Variants in MAP4 observed in about 807,000 individuals in gnomAD.
The protein encoded by MAP4 is microtubule associated protein 4.
A neutral mutation model predicts 170.2 loss-of-function variants in MAP4; 76 were observed. The ratio of observed to expected loss-of-function variants is 0.45; its 90% CI spans 0.37 to 0.54. The LOEUF (loss-of-function observed/expected upper bound fraction) is 0.54. MAP4 is among the 20% of genes least tolerant of loss of function. MAP4 has a pLI of 0.00. For synonymous variants in MAP4, 909 were observed against 994.5 expected (o/e 0.91, Z 1.62); for missense variants, 2,506 against 2,748.0 (o/e 0.91, Z 1.97).
At chr3:47,903,725 T>C (rs2100031419) in intron 9 of MAP4, among the ~76,000 whole-genome samples, 1 of 152,110 alleles carries the variant, frequency 6.6e-6, no homozygotes, top group East Asian at 1.9e-4. Context: ...ACTTTGGCAA[T>C]ATATTCACTT....
intron 3 of MAP4, among the ~76,000 whole-genome samples, chr3:47,944,283 C>T (rs1396517191): frequency 6.6e-6 from 1 of 152,066 alleles, no homozygotes; most frequent in Non-Finnish European, 1.5e-5. Context: ...GCACTCCAGC[C>T]TGGGCGAGAG....
At chr3:47,895,455 G>C (rs2100026318) in intron 10 of MAP4, among the ~76,000 whole-genome samples, 1 of 152,218 alleles carries the variant, frequency 6.6e-6, no homozygotes, top group African/African-American at 2.4e-5. Flanking sequence ...ACTCCACTAG[G>C]CAGTATCTTC....
intron 10 of MAP4, among the ~76,000 whole-genome samples, chr3:47,889,293 T>C (rs1358638962): frequency 2.0e-5 from 3 of 152,244 alleles, no homozygotes; most frequent in South Asian, 2.1e-4. Flanking sequence ...GCTTCATATC[T>C]TTGTTTAATA....
intron 12 of MAP4, among the ~76,000 whole-genome samples, chr3:47,873,045 G>T (rs1358691442): frequency 6.6e-6 from 1 of 152,146 alleles, no homozygotes; most frequent in Admixed American, 6.5e-5. Flanking sequence ...TCCTCATCGG[G>T]ATAAAGAGAT....
At position 48,084,118 on chromosome 3, in the gene MAP4, G is replaced by A. The variant is rs560011675; in HGVS notation, c.-20+4655C>T. On this transcript the variant is annotated intron_variant, in intron 1 of 18. Transcript: ENST00000360240. ...CCAGCTACTCAGGAGGCTGAGGCAG[G>A]AGAATTGCTTGAACCCGGGAGGTGG... 2.6e-5 allele frequency among the ~76,000 whole-genome samples: 4 copies of A among 151,504 alleles called. No homozygotes were observed. In the East Asian group the frequency reaches 7.9e-4, roughly 30 times the overall value.
At chr3:48,022,339 G>T (rs1376645668) in intron 1 of MAP4, among the ~76,000 whole-genome samples, 1 of 152,088 alleles carries the variant, frequency 6.6e-6, no homozygotes, top group Non-Finnish European at 1.5e-5. Context: ...TGATGAGGTG[G>T]GAGGATCATT....
At chr3:48,061,430 G>C (rs1454835226) in intron 1 of MAP4, among the ~76,000 whole-genome samples, 1 of 152,168 alleles carries the variant, frequency 6.6e-6, no homozygotes. Context: ...CTAACTGCGA[G>C]TGATCTGCCA....
intron 1 of MAP4, among the ~76,000 whole-genome samples, chr3:48,024,032 C>A (rs904570485): frequency 6.6e-6 from 1 of 152,180 alleles, no homozygotes; most frequent in Admixed American, 6.5e-5. Context: ...AAAAAATGGG[C>A]CAGGTGCAGT....
intron 15 of MAP4, 37 bp downstream of exon 15, chr3:47,870,776 G>A (rs1576840049): frequency 3.3e-6 from 5 of 1,512,234 alleles, no homozygotes; most frequent in Non-Finnish European, 4.4e-6. Flanking sequence ...AAGATGCAGG[G>A]GCCAGCATGC....
At chr3:48,087,757 A>G (rs973800954) in intron 1 of MAP4, among the ~76,000 whole-genome samples, 10 of 151,440 alleles carry the variant, frequency 6.6e-5, no homozygotes, top group South Asian at 4.2e-4. Flanking sequence ...ACACACACAC[A>G]CACACACACA....
intron 1 of MAP4, among the ~76,000 whole-genome samples, chr3:48,000,517 G>C (rs1178572167): frequency 6.6e-6 from 1 of 152,068 alleles, no homozygotes; most frequent in Admixed American, 6.6e-5. Flanking sequence ...TACCCCTATA[G>C]GGTTTGGGAC....
intron 1 of MAP4, among the ~76,000 whole-genome samples, chr3:48,054,439 A>C (rs2100129552): frequency 6.6e-6 from 1 of 151,802 alleles, no homozygotes; most frequent in African/African-American, 2.4e-5. Flanking sequence ...TGGCCAACAT[A>C]GTGAAACCCC....
chr3:47,955,123 A>C (rs1481199704), intron 3 of MAP4, among the ~76,000 whole-genome samples: 1 of 152,202 alleles, frequency 6.6e-6, no homozygotes, highest in African/African-American at 2.4e-5. Context: ...GATGGATCTT[A>C]GTGACTATCA....
intron 1 of MAP4, among the ~76,000 whole-genome samples, chr3:48,071,228 T>C (rs1439632306): frequency 6.6e-6 from 1 of 151,894 alleles, no homozygotes; most frequent in African/African-American, 2.4e-5. Flanking sequence ...GGAAAATAAG[T>C]AAGCTTGAGT....
At chr3:48,067,751 T>TGCCTTA (rs1442993570) in intron 1 of MAP4, among the ~76,000 whole-genome samples, 3 of 151,866 alleles carry the variant, frequency 2.0e-5, no homozygotes, top group Admixed American at 6.6e-5. Flanking sequence ...GCGATTCTCC[T>TGCCTTA]GCCTTAGCCT....
chr3:47,905,751 T>TG (rs2100032624), intron 9 of MAP4, among the ~76,000 whole-genome samples: 3 of 151,818 alleles, frequency 2.0e-5, no homozygotes, highest in African/African-American at 7.3e-5. Context: ...CCCAGCACTT[T>TG]GGGAGGCTGA....
intron 1 of MAP4, among the ~76,000 whole-genome samples, chr3:48,066,879 C>T (rs1409896729): frequency 1.7e-5 from 2 of 115,256 alleles, no homozygotes; most frequent in Non-Finnish European, 3.2e-5. Flanking sequence ...CTCGCTCTGT[C>T]GCCCAGGCTG....
chr3:47,857,164 C>A (rs2057974735), intron 18 of MAP4, among the ~76,000 whole-genome samples: 1 of 152,212 alleles, frequency 6.6e-6, no homozygotes, highest in South Asian at 2.1e-4. Flanking sequence ...CTTCCCCAGG[C>A]CTAGCTCAAT....
chr3:48,011,966 G>C (rs1430968207), intron 1 of MAP4, among the ~76,000 whole-genome samples: 1 of 152,120 alleles, frequency 6.6e-6, no homozygotes, highest in Non-Finnish European at 1.5e-5. Flanking sequence ...AGTGAAACCC[G>C]AACTTTAATC....
Sources: allele counts gnomAD v4.1 joint callset (sites outside exome capture counted in the v4.1 genomes callset), GRCh38; gene constraint gnomAD v4.1.1; transcripts MANE v1.5; gene names NCBI Gene and HGNC (gene_info 2026-07-23, HGNC 2026-07-21).